Variants in RNF13 observed in about 807,000 individuals in gnomAD.
The protein encoded by RNF13 is ring finger protein 13.
In RNF13, 19 loss-of-function variants were observed where a neutral mutation model predicts 37.7. The ratio of observed to expected loss-of-function variants is 0.50; its 90% CI spans 0.35 to 0.74. The LOEUF (loss-of-function observed/expected upper bound fraction) is 0.74, where lower values mean the gene tolerates loss of function less well. RNF13 is among the 30% of genes least tolerant of loss of function. The probability of loss-of-function intolerance (pLI) is 0.01; values close to 1 mark genes in which losing one functional copy is unlikely to be tolerated. For missense variants in RNF13, 375 were observed against 453.0 expected (o/e 0.83, Z 1.56); for synonymous variants, 144 against 157.8 (o/e 0.91, Z 0.65).
At chr3:149,960,668 T>C in intron 9 of RNF13, 72 bp from the exon 10 acceptor site, 1 of 1,426,712 alleles carries the variant, frequency 7.0e-7, no homozygotes, top group South Asian at 1.4e-5. Flanking sequence ...ACTGAATAAA[T>C]ATGGCAAGAG....
chr3:149,869,288 C>A (rs574101717), intron 3 of RNF13, among the ~76,000 whole-genome samples: 16 of 151,876 alleles, frequency 1.1e-4, no homozygotes, highest in Non-Finnish European at 2.2e-4. Flanking sequence ...CTTAAAACTA[C>A]TATTTTGAAT....
intron 5 of RNF13, among the ~76,000 whole-genome samples, chr3:149,901,550 C>T (rs896635118): frequency 6.6e-6 from 1 of 152,172 alleles, no homozygotes; most frequent in Non-Finnish European, 1.5e-5. Flanking sequence ...CTTTCCTGCC[C>T]TATTCCCTTT....
Position 149,884,397 on chromosome 3 carries a change from A to G in RNF13, c.322-11076A>G, listed in dbSNP as rs147604913. On this transcript the variant is annotated intron_variant, in intron 4 of 9. Coordinates refer to ENST00000392894, the MANE Select transcript of RNF13 (RefSeq NM_183381.3). ...CTCTGAATGATCTAGTATTCAAGGA[A>G]GTCTCCCCTCTCTGGCTGGTCAGAG... 8.6e-4 allele frequency among the ~76,000 whole-genome samples: 131 copies of G among 151,910 alleles called. No homozygotes were observed. The East Asian group carries it at 0.018, about 21-fold the overall frequency.
At chr3:149,951,163 AT>A (rs1274349578) in intron 8 of RNF13, among the ~76,000 whole-genome samples, 1 of 152,128 alleles carries the variant, frequency 6.6e-6, no homozygotes, top group Non-Finnish European at 1.5e-5. Flanking sequence ...GTCTCTGGCA[AT>A]TTATCACAGT....
At chr3:149,842,212 C>G (rs181936925) in intron 1 of RNF13, among the ~76,000 whole-genome samples, 179 of 152,160 alleles carry the variant, frequency 1.2e-3, no homozygotes, top group Non-Finnish European at 1.9e-3. Context: ...CTCTTTTTGC[C>G]TTGTGTGGAG....
At chr3:149,815,342 A>C (rs1038226277) in intron 1 of RNF13, among the ~76,000 whole-genome samples, 1 of 152,244 alleles carries the variant, frequency 6.6e-6, no homozygotes, top group Admixed American at 6.5e-5. Context: ...TTGGTCAACT[A>C]TCATGGTATG....
chr3:149,954,870 C>T (rs1475863423), intron 8 of RNF13, among the ~76,000 whole-genome samples: 2 of 152,156 alleles, frequency 1.3e-5, no homozygotes, highest in Non-Finnish European at 1.5e-5. Context: ...GCTCTTCAAG[C>T]AAAATGTGGT....
At chr3:149,856,017 C>T (rs937103312) in intron 3 of RNF13, among the ~76,000 whole-genome samples, 7 of 151,814 alleles carry the variant, frequency 4.6e-5, no homozygotes, top group Non-Finnish European at 7.4e-5. Flanking sequence ...CATTAATTCT[C>T]GATAAGCATA....
chr3:149,957,280 G>A (rs1429155165), intron 8 of RNF13, among the ~76,000 whole-genome samples: 2 of 152,070 alleles, frequency 1.3e-5, no homozygotes, highest in South Asian at 2.1e-4. Context: ...TTTTAGTGGG[G>A]GAAAAACTGG....
At chr3:149,897,807 A>T (rs1715426184) in intron 5 of RNF13, among the ~76,000 whole-genome samples, 1 of 152,204 alleles carries the variant, frequency 6.6e-6, no homozygotes, top group African/African-American at 2.4e-5. Flanking sequence ...GGTATCTTAT[A>T]CCAAGCAGAG....
chr3:149,925,279 G>A (rs754453574), intron 8 of RNF13, among the ~76,000 whole-genome samples: 1 of 152,102 alleles, frequency 6.6e-6, no homozygotes, highest in Non-Finnish European at 1.5e-5. Flanking sequence ...ATACAGAAGA[G>A]TATGTAGAAT....
intron 1 of RNF13, among the ~76,000 whole-genome samples, chr3:149,830,982 C>T (rs1338313054): frequency 6.6e-6 from 1 of 152,228 alleles, no homozygotes; most frequent in Non-Finnish European, 1.5e-5. Context: ...GCATTGACAG[C>T]TTCCACGTGG....
intron 4 of RNF13, among the ~76,000 whole-genome samples, chr3:149,884,381 A>G (rs536323532): frequency 6.6e-6 from 1 of 151,670 alleles, no homozygotes; most frequent in Non-Finnish European, 1.5e-5. Flanking sequence ...CCTCTGAATG[A>G]TCTAGTATTC....
intron 8 of RNF13, among the ~76,000 whole-genome samples, chr3:149,928,385 G>A (rs1018603947): frequency 6.6e-6 from 1 of 151,848 alleles, no homozygotes; most frequent in Non-Finnish European, 1.5e-5. Context: ...TTATTTTTTT[G>A]TATGTGGAAA....
At chr3:149,877,549 C>G (rs1047896277) in intron 4 of RNF13, among the ~76,000 whole-genome samples, 4 of 145,144 alleles carry the variant, frequency 2.8e-5, no homozygotes, top group African/African-American at 1.0e-4. Context: ...CTAGACTTAC[C>G]TTTCATTACA....
At chr3:149,916,724 C>G (rs1053636540) in intron 7 of RNF13, among the ~76,000 whole-genome samples, 6 of 151,910 alleles carry the variant, frequency 3.9e-5, no homozygotes, top group Non-Finnish European at 7.4e-5. Context: ...CTTGGAAAAC[C>G]AGGAGTACAA....
intron 4 of RNF13, among the ~76,000 whole-genome samples, chr3:149,884,303 G>T (rs1165906179): frequency 6.6e-6 from 1 of 151,990 alleles, no homozygotes; most frequent in Non-Finnish European, 1.5e-5. Context: ...TTAAGTTGAT[G>T]AAGAGTTGCC....
intron 8 of RNF13, among the ~76,000 whole-genome samples, chr3:149,924,913 A>T (rs1375109884): frequency 6.6e-6 from 1 of 152,156 alleles, no homozygotes; most frequent in Non-Finnish European, 1.5e-5. Context: ...AAAAAGGTGA[A>T]CTGGCCTTAG....
intron 4 of RNF13, among the ~76,000 whole-genome samples, chr3:149,886,657 G>C (rs955887535): frequency 1.3e-5 from 2 of 152,166 alleles, no homozygotes; most frequent in Non-Finnish European, 2.9e-5. Context: ...AGGGCCAAGA[G>C]TGGAATTCTT....
Sources: allele counts gnomAD v4.1 joint callset (sites outside exome capture counted in the v4.1 genomes callset), GRCh38; gene constraint gnomAD v4.1.1; transcripts MANE v1.5; gene names NCBI Gene and HGNC (gene_info 2026-07-23, HGNC 2026-07-21).